Variants in KCNJ15 observed in about 807,000 individuals in gnomAD.
KCNJ15 encodes ATP-sensitive inward rectifier potassium channel 15.
KCNJ15 carries 14 observed loss-of-function variants against 23.0 expected under a neutral mutation model. That is an observed-to-expected ratio of 0.61 (90% CI 0.40 to 0.95). KCNJ15 has a LOEUF of 0.95. KCNJ15 is among the 40% of genes least tolerant of loss of function. KCNJ15 has a pLI of 0.00. For synonymous variants in KCNJ15, 185 were observed against 183.2 expected, an observed-to-expected ratio of 1.01 and a Z score of -0.08; for missense variants, 388 against 461.8, an observed-to-expected ratio of 0.84 and a Z score of 1.46.
chr21:38,305,691 C>A lies in KCNJ15; in HGVS notation c.*5302C>A, dbSNP rs1336152665. 1 of 152,152 alleles carries A rather than the reference C, an allele frequency of 6.6e-6. No homozygotes were observed. The highest frequency in any genetic ancestry group is 1.9e-4 in the East Asian group (1 of 5,198). 9.4% of individuals were successfully genotyped at this position (152,152 alleles called of 1,614,324 possible). A position where few individuals can be genotyped will look rare whatever the true frequency, so the allele number is the denominator to read the frequency against. ...TTTTTCCCCATATATTACAAAATTG[C>A]CTTGGAAATTAGACAAATCTTCAAA... On this transcript the variant is annotated 3_prime_UTR_variant, in exon 3 of 3. Coordinates refer to ENST00000398938, the MANE Select transcript of KCNJ15 (RefSeq NM_170736.3).
In KCNJ15 at chr21:38,306,096, C is replaced by G. The variant is rs1279228579; in HGVS notation, c.*5707C>G. The stretch of plus-strand genomic sequence containing the variant: ...GCACAGGAGCCCAGATTCTCAAGCC[C>G]CAGTTGCAGAATTAGGCTGATGGTT... On this transcript the variant is annotated 3_prime_UTR_variant, in exon 3 of 3. Transcript: ENST00000398938. The G allele has an allele frequency of 6.6e-6, 1 of 152,210 alleles. No homozygotes were observed. The highest frequency in any genetic ancestry group is 1.5e-5 in the Non-Finnish European group (1 of 68,046). The allele number at this position is 152,210 out of a possible 1,614,324, so 9.4% of individuals were successfully genotyped here.
chr21:38,290,222 C>T lies in KCNJ15; in HGVS notation c.-116-6704C>T, dbSNP rs183062374. Among the ~76,000 whole-genome samples, 23 of 152,174 alleles carry T rather than the reference C, an allele frequency of 1.5e-4. 1 individual carries two copies. The highest frequency in any genetic ancestry group is 6.2e-4 in the South Asian group (3 of 4,818). On this transcript the variant is annotated intron_variant, in intron 1 of 2. Transcript: ENST00000398938. ...TGGCAAATGAGTCCCCTGTTGGGCC[C>T]GGAATCTGTTTAAACTTGTCTTTGT... is the stretch of plus-strand genomic sequence containing the variant.
At chr21:38,232,381 T>C (rs1978334888) in intron 1 of KCNJ15, among the ~76,000 whole-genome samples, 1 of 151,848 alleles carries the variant, frequency 6.6e-6, no homozygotes, top group African/African-American at 2.4e-5. Flanking sequence ...ACTGTGTTGG[T>C]TTGACCAAGG....
rs749594488 is a variant in KCNJ15, at chr21:38,299,367, A to G, written c.106A>G (p.Ser36Gly). 2.5e-6 allele frequency: 4 copies of G among 1,614,232 alleles called. No homozygotes were observed. The highest frequency in any genetic ancestry group is 3.4e-6 in the Non-Finnish European group (4 of 1,180,036). Residue 36 changes from serine to glycine, a missense_variant, in exon 3 of 3, where the codon AGC becomes GGC. By Grantham distance (56) the Ser-to-Gly change is moderately conservative. Coordinates refer to ENST00000398938, the MANE Select transcript of KCNJ15 (RefSeq NM_170736.3). The surrounding 1 kb of genome is among the most constrained non-coding windows in gnomAD (Gnocchi z 4.5). ...RPRVMSKSGH[S>G]NVRIDKVDGI... ...CCGCGTCATGTCCAAGAGTGGGCAC[A>G]GCAACGTGAGAATTGACAAAGTGGA...
At chr21:38,244,124 T>A (rs1849470138) in intron 1 of KCNJ15, among the ~76,000 whole-genome samples, 1 of 152,216 alleles carries the variant, frequency 6.6e-6, no homozygotes, top group Admixed American at 6.5e-5. Flanking sequence ...TATTAATTTT[T>A]TTTTTGTCTT....
intron 1 of KCNJ15, among the ~76,000 whole-genome samples, chr21:38,290,916 T>C (rs868746237): frequency 1.1e-4 from 17 of 151,854 alleles, no homozygotes; most frequent in Admixed American, 2.0e-4. Flanking sequence ...TTTTGATCCT[T>C]TTATCTCCCT....
chr21:38,250,629 G>T (rs1340159763), intron 1 of KCNJ15, among the ~76,000 whole-genome samples: 2 of 152,188 alleles, frequency 1.3e-5, no homozygotes, highest in African/African-American at 4.8e-5. Flanking sequence ...AATACAGCAG[G>T]TAGAATCAAA....
intron 1 of KCNJ15, among the ~76,000 whole-genome samples, chr21:38,265,694 C>T (rs1176371045): frequency 6.6e-6 from 1 of 152,158 alleles, no homozygotes; most frequent in Non-Finnish European, 1.5e-5. Flanking sequence ...CAAGGAGCCT[C>T]CAGGCTGCTG....
chr21:38,282,206 A>G (rs2123682070), intron 1 of KCNJ15, among the ~76,000 whole-genome samples: 1 of 152,298 alleles, frequency 6.6e-6, no homozygotes, highest in South Asian at 2.1e-4. Flanking sequence ...GATAAAGTGG[A>G]AGCTACAATT....
intron 1 of KCNJ15, among the ~76,000 whole-genome samples, chr21:38,259,304 C>T (rs1980629344): frequency 6.6e-6 from 1 of 152,066 alleles, no homozygotes; most frequent in Non-Finnish European, 1.5e-5. Context: ...GTCTTAGAGC[C>T]AACATAAGAG....
chr21:38,234,084 A>G (rs1978442504), intron 1 of KCNJ15, among the ~76,000 whole-genome samples: 1 of 151,322 alleles, frequency 6.6e-6, no homozygotes, highest in Non-Finnish European at 1.5e-5. Flanking sequence ...ACTCCCTTTC[A>G]CCTCCTTTGG....
chr21:38,277,106 G>A (rs1244465264), intron 1 of KCNJ15, among the ~76,000 whole-genome samples: 1 of 150,686 alleles, frequency 6.6e-6, no homozygotes. Flanking sequence ...AAAAAAAAAA[G>A]GAAAGAAACT....
chr21:38,298,081 G>T (rs1268880078), intron 2 of KCNJ15: 2 of 152,090 alleles, frequency 1.3e-5, no homozygotes, highest in Non-Finnish European at 2.9e-5. Flanking sequence ...TACCAATGAG[G>T]TGAAGAAAAA....
intron 1 of KCNJ15, among the ~76,000 whole-genome samples, chr21:38,273,000 C>T (rs1982262835): frequency 6.6e-6 from 1 of 152,144 alleles, no homozygotes; most frequent in Non-Finnish European, 1.5e-5. Context: ...TAGCAATAAA[C>T]TATTCATTTA....
At position 38,302,281 on chromosome 21, in the gene KCNJ15, C is replaced by T. The variant is rs910412256; in HGVS notation, c.*1892C>T. On this transcript the variant is annotated 3_prime_UTR_variant, in exon 3 of 3. Transcript: ENST00000398938. ...ATCAGTGAAATGATGGTATAGATTA[C>T]AGCAAATCTGGATATATATTGATGT... 4 of 152,190 alleles carry T rather than the reference C, an allele frequency of 2.6e-5. No individual in the cohort carries two copies. Among genetic ancestry groups the T allele is most frequent in the East Asian group, 3.9e-4 (2 of 5,194 alleles). 9.4% of individuals were successfully genotyped at this position (152,190 alleles called of 1,614,324 possible).
chr21:38,247,723 T>C (rs1979544917), intron 1 of KCNJ15, among the ~76,000 whole-genome samples: 1 of 152,242 alleles, frequency 6.6e-6, no homozygotes, highest in Non-Finnish European at 1.5e-5. Context: ...AGCCTTATGA[T>C]GAAAGATTGG....
At chr21:38,264,002 A>C (rs2836258) in intron 1 of KCNJ15, among the ~76,000 whole-genome samples, 70,637 of 152,002 alleles carry the variant, frequency 0.46, 20,736 homozygotes, top group African/African-American at 0.83. Flanking sequence ...ATAAATTTGA[A>C]CTATTTTTAA....
At chr21:38,282,668 TA>T (rs1363697803) in intron 1 of KCNJ15, among the ~76,000 whole-genome samples, 2 of 152,166 alleles carry the variant, frequency 1.3e-5, no homozygotes. Context: ...ACATTCTTAC[TA>T]AATCGGACGC....
chr21:38,238,337 T>C, intron 1 of KCNJ15: 3 of 718,160 alleles, frequency 4.2e-6, no homozygotes, highest in South Asian at 4.1e-5. Context: ...CGGAGGGTAC[T>C]CAGGAAAGGC....
Sources: gnomAD v4.1 joint callset for allele counts (sites outside exome capture counted in the v4.1 genomes callset) on GRCh38, gnomAD v4.1.1 for gene constraint, Gnocchi (gnomAD v3.1) non-coding constraint, MANE v1.5 for transcripts, NCBI Gene and HGNC (gene_info 2026-07-23, HGNC 2026-07-21) for gene names.